ZDHHC14: variants seen among roughly 807,000 people sequenced by gnomAD.
ZDHHC14 encodes the protein zDHHC palmitoyltransferase 14.
A neutral mutation model predicts 47.7 loss-of-function variants in ZDHHC14; 16 were observed. That is an observed-to-expected ratio of 0.34 (90% CI 0.23 to 0.51). The LOEUF is 0.51. ZDHHC14 is among the 20% of genes least tolerant of loss of function. The pLI, the probability that ZDHHC14 is intolerant of heterozygous loss-of-function variation, is 0.97. For synonymous variants in ZDHHC14, 293 were observed against 278.9 expected, an observed-to-expected ratio of 1.05 and a Z score of -0.50; for missense variants, 515 against 662.5, an observed-to-expected ratio of 0.78 and a Z score of 2.44.
chr6:157,538,818 G>T (rs1265559331), intron 1 of ZDHHC14, among the ~76,000 whole-genome samples: 1 of 152,184 alleles, frequency 6.6e-6, no homozygotes, highest in African/African-American at 2.4e-5. Context: ...CTGAATGGGA[G>T]GTGCGGGTGT....
chr6:157,525,721 C>T (rs185776167), intron 1 of ZDHHC14, among the ~76,000 whole-genome samples: 196 of 152,260 alleles, frequency 1.3e-3, no homozygotes, highest in African/African-American at 4.5e-3. Flanking sequence ...TGACTCTTCC[C>T]TGTAGGGCCT....
intron 5 of ZDHHC14, among the ~76,000 whole-genome samples, chr6:157,641,009 T>TG (rs1777222781): frequency 6.6e-6 from 1 of 152,220 alleles, no homozygotes; most frequent in African/African-American, 2.4e-5. Context: ...TAAAAAGGAC[T>TG]CTTTTTTTTG....
rs1043076923 is a variant in ZDHHC14 at position 157,650,650 on chromosome 6, AAAG to A, written c.966-2873_966-2871del. Among the ~76,000 whole-genome samples the A allele has an allele frequency of 6.3e-4, 80 of 127,938 alleles. 1 individual carries two copies. The highest frequency in any genetic ancestry group is 2.3e-3 in the African/African-American group (80 of 34,882). The allele number at this position is 127,938 out of a possible 152,430, so 83.9% of individuals were successfully genotyped here. A position where few individuals can be genotyped will look rare whatever the true frequency, so the allele number is the denominator to read the frequency against. On this transcript the variant is annotated intron_variant, in intron 7 of 8. Transcript: ENST00000359775. ...TTAATTTCTCTTGTCATTAAAAAAA[AAAG>A]AGAGAGAGAGAGCAAGAGAGAGCAC...
rs147389710 is a variant in ZDHHC14, at chr6:157,598,466, G to A, written c.565+5320G>A. ...AAGTGCTGTGACAATAACTAAGTATGTGAAAATATGAGCCAGTCCCCAGGG... is the reference window on the plus strand; with the variant it reads ...AAGTGCTGTGACAATAACTAAGTATATGAAAATATGAGCCAGTCCCCAGGG... On this transcript the variant is annotated intron_variant, in intron 3 of 8. Coordinates refer to ENST00000359775, the MANE Select transcript of ZDHHC14 (RefSeq NM_024630.3). 1.1e-4 allele frequency among the ~76,000 whole-genome samples: 16 copies of A among 152,234 alleles called. No homozygotes were observed. In the East Asian group the frequency reaches 3.1e-3, roughly 29 times the overall value.
At chr6:157,546,180 C>T (rs1781966152) in intron 2 of ZDHHC14, among the ~76,000 whole-genome samples, 1 of 152,214 alleles carries the variant, frequency 6.6e-6, no homozygotes, top group African/African-American at 2.4e-5. Flanking sequence ...GGGCTCATTT[C>T]CATCACTGAT....
intron 5 of ZDHHC14, among the ~76,000 whole-genome samples, chr6:157,636,767 C>T (rs1777004539): frequency 6.6e-6 from 1 of 152,218 alleles, no homozygotes. Context: ...CCTGGGTCTC[C>T]TTAATCCTTT....
intron 2 of ZDHHC14, among the ~76,000 whole-genome samples, chr6:157,560,095 G>A (rs1782647832): frequency 6.6e-6 from 1 of 152,216 alleles, no homozygotes; most frequent in African/African-American, 2.4e-5. Context: ...TGCAGGCACA[G>A]GGTGGTGGCC....
intron 1 of ZDHHC14, among the ~76,000 whole-genome samples, chr6:157,471,209 C>T (rs1476415855): frequency 3.3e-5 from 5 of 152,222 alleles, no homozygotes; most frequent in Admixed American, 6.5e-5. Flanking sequence ...GGGACTGGCG[C>T]GGGGTCCAGG....
At chr6:157,488,019 T>C (rs1362423006) in intron 1 of ZDHHC14, among the ~76,000 whole-genome samples, 2 of 151,584 alleles carry the variant, frequency 1.3e-5, no homozygotes, top group East Asian at 3.9e-4. Flanking sequence ...TTCTCAGGAG[T>C]GGTTTCTACT....
At chr6:157,614,472 G>T (rs952062678) in intron 3 of ZDHHC14, among the ~76,000 whole-genome samples, 11 of 152,230 alleles carry the variant, frequency 7.2e-5, no homozygotes, top group Non-Finnish European at 1.0e-4. Flanking sequence ...GTAGTTCAAG[G>T]GGAAGAAAAG....
chr6:157,634,033 C>G (rs1583049546), intron 5 of ZDHHC14, among the ~76,000 whole-genome samples: 1 of 152,132 alleles, frequency 6.6e-6, no homozygotes, highest in East Asian at 1.9e-4. Context: ...TGCCATGTCC[C>G]TGAGAACTGG....
intron 1 of ZDHHC14, among the ~76,000 whole-genome samples, chr6:157,487,936 G>A (rs1779822969): frequency 6.6e-6 from 1 of 152,088 alleles, no homozygotes; most frequent in Admixed American, 6.5e-5. Context: ...CCCCTCCCCA[G>A]CTCCAAGATG....
chr6:157,657,608 A>G (rs1778161189), intron 8 of ZDHHC14, among the ~76,000 whole-genome samples: 1 of 152,220 alleles, frequency 6.6e-6, no homozygotes, highest in African/African-American at 2.4e-5. Context: ...GCCCTCCATC[A>G]GTGAGTACCA....
chr6:157,408,240 G>C (rs766291025), intron 1 of ZDHHC14, among the ~76,000 whole-genome samples: 22 of 152,030 alleles, frequency 1.4e-4, no homozygotes, highest in Admixed American at 6.6e-5. Flanking sequence ...GGCAGTACAG[G>C]CTGGCCTGGT....
In ZDHHC14 at chr6:157,480,243, G is replaced by T. The variant is rs1041447052; in HGVS notation, c.246-62342G>T. 1.0e-4 allele frequency among the ~76,000 whole-genome samples: 13 copies of T among 124,648 alleles called. No individual in the cohort carries two copies. The East Asian group carries it at 1.6e-3, about 15-fold the overall frequency. The allele number at this position is 124,648 out of a possible 152,430, so 81.8% of individuals were successfully genotyped here. A position where few individuals can be genotyped will look rare whatever the true frequency, so the allele number is the denominator to read the frequency against. The stretch of plus-strand genomic sequence containing the variant: ...ATAGACTTTGGGTCAGGTTTTTTTT[G>T]TTGTTGTTGTTTTGGGTTTTTTTTT... On this transcript the variant is annotated intron_variant, in intron 1 of 8. Transcript: ENST00000359775.
chr6:157,467,677 G>A (rs1779254175), intron 1 of ZDHHC14, among the ~76,000 whole-genome samples: 1 of 152,010 alleles, frequency 6.6e-6, no homozygotes, highest in African/African-American at 2.4e-5. Flanking sequence ...AGACTCGCAA[G>A]TAGCTGGAAT....
intron 1 of ZDHHC14, among the ~76,000 whole-genome samples, chr6:157,412,279 A>G (rs1391658234): frequency 6.8e-6 from 1 of 147,282 alleles, no homozygotes; most frequent in Non-Finnish European, 1.5e-5. Flanking sequence ...AATAGAATGG[A>G]GTTTTGTTGT....
intron 4 of ZDHHC14, chr6:157,632,395 A>G (rs916568246): frequency 5.9e-6 from 1 of 168,282 alleles, no homozygotes; most frequent in Non-Finnish European, 1.3e-5. Context: ...TTTCAGCTTT[A>G]TGACTTTGTT....
chr6:157,433,385 C>T (rs373705864), intron 1 of ZDHHC14, among the ~76,000 whole-genome samples: 81 of 152,256 alleles, frequency 5.3e-4, no homozygotes, highest in African/African-American at 1.5e-3. Context: ...TAATGCTTTC[C>T]GTTTGCCTAA....
Sources: allele counts gnomAD v4.1 joint callset (sites outside exome capture counted in the v4.1 genomes callset), GRCh38; gene constraint gnomAD v4.1.1; transcripts MANE v1.5; gene names NCBI Gene and HGNC (gene_info 2026-07-23, HGNC 2026-07-21).